NCALD: variants seen among roughly 807,000 people sequenced by gnomAD.
NCALD encodes neurocalcin delta, also known as neurocalcin-delta.
In NCALD, 10 loss-of-function variants were observed where a neutral mutation model predicts 18.6. That is an observed-to-expected ratio of 0.54 (90% CI 0.33 to 0.91). The LOEUF is 0.91. Ranked by LOEUF, NCALD falls within the 40% of genes least tolerant of loss-of-function variation. NCALD has a pLI of 0.03. For synonymous variants in NCALD, 88 were observed against 87.4 expected (o/e 1.01, Z -0.04); for missense variants, 184 against 247.6 (o/e 0.74, Z 1.72).
chr8:101,822,754 G>C (rs1296674959), intron 4 of NCALD, among the ~76,000 whole-genome samples: 1 of 152,176 alleles, frequency 6.6e-6, no homozygotes, highest in Non-Finnish European at 1.5e-5. Context: ...AACTCCAACA[G>C]TTCCAGTGAG....
At chr8:101,789,802 T>A (rs543542917) in intron 1 of NCALD, among the ~76,000 whole-genome samples, 108 of 152,194 alleles carry the variant, frequency 7.1e-4, no homozygotes, top group Non-Finnish European at 1.2e-3. Context: ...AGGTATTCTT[T>A]AAATTAGAAG....
intron 1 of NCALD, among the ~76,000 whole-genome samples, chr8:101,770,520 C>T (rs1411242382): frequency 6.6e-6 from 1 of 152,148 alleles, no homozygotes; most frequent in African/African-American, 2.4e-5. Flanking sequence ...ACTATGCAAA[C>T]TCCTGGGGGG....
intron 2 of NCALD, among the ~76,000 whole-genome samples, chr8:102,017,602 G>A (rs1023902425): frequency 2.6e-4 from 40 of 152,146 alleles, no homozygotes; most frequent in Non-Finnish European, 5.6e-4. Context: ...GGCTGACGCA[G>A]GAGAATTGCT....
chr8:101,917,529 G>A (rs1263402125), intron 2 of NCALD, among the ~76,000 whole-genome samples: 1 of 151,812 alleles, frequency 6.6e-6, no homozygotes, highest in Middle Eastern at 3.2e-3. Flanking sequence ...ATACGAAGAA[G>A]CAACAAAACT....
intron 1 of NCALD, chr8:101,721,114 A>G (rs1024539941): frequency 1.3e-5 from 2 of 152,168 alleles, no homozygotes; most frequent in Admixed American, 6.5e-5. Flanking sequence ...GGTCAAGATA[A>G]ACCCCATCTC....
chr8:101,834,632 A>G (rs534189214), intron 4 of NCALD, among the ~76,000 whole-genome samples: 5 of 152,350 alleles, frequency 3.3e-5, no homozygotes, highest in African/African-American at 1.2e-4. Context: ...GCCAGGTAGC[A>G]CATGTAGAAG....
chr8:101,991,312 C>T (rs1821039152), intron 2 of NCALD, among the ~76,000 whole-genome samples: 1 of 152,114 alleles, frequency 6.6e-6, no homozygotes, highest in Non-Finnish European at 1.5e-5. Context: ...GCCACCAATG[C>T]TACCTGTTCC....
rs190416019 is a variant in NCALD at position 101,749,403 on chromosome 8, C to T, written c.-19-29755G>A. On this transcript the variant is annotated intron_variant, in intron 1 of 3. Transcript: ENST00000220931. ...ATAGGATTTAAAAAAGGGCTGACTG[C>T]GGCAAGAGTTCTGGGGGCCTCTGGA... Among the ~76,000 whole-genome samples the T allele has an allele frequency of 2.4e-3, 358 of 152,190 alleles. 1 individual carries two copies. The highest frequency in any genetic ancestry group is 3.9e-3 in the Non-Finnish European group (265 of 68,006).
At chr8:101,919,475 G>A (rs1344016517) in intron 2 of NCALD, among the ~76,000 whole-genome samples, 1 of 152,096 alleles carries the variant, frequency 6.6e-6, no homozygotes, top group Non-Finnish European at 1.5e-5. Context: ...CCTTGGAAAT[G>A]AATTTATGAC....
chr8:101,764,130 A>G (rs1811246298), intron 1 of NCALD, among the ~76,000 whole-genome samples: 4 of 152,092 alleles, frequency 2.6e-5, no homozygotes, highest in Admixed American at 2.6e-4. Context: ...ATTGGGACTG[A>G]GTTGAAAACT....
At chr8:101,933,122 A>G (rs886831620) in intron 2 of NCALD, among the ~76,000 whole-genome samples, 4 of 152,182 alleles carry the variant, frequency 2.6e-5, no homozygotes, top group African/African-American at 9.7e-5. Context: ...GGTCTACCCT[A>G]ACCTAGGATC....
At chr8:101,848,389 T>A (rs2131320168) in intron 4 of NCALD, among the ~76,000 whole-genome samples, 1 of 152,266 alleles carries the variant, frequency 6.6e-6, no homozygotes, top group East Asian at 1.9e-4. Context: ...AAAAGTTTTG[T>A]CTGGAGATTT....
Position 101,687,624 on chromosome 8 carries a change from GTCTC to G in NCALD, c.*1681_*1684del, listed in dbSNP as rs1814526069. ...GTCACATTTTTCTCCTGGTCATGAT[GTCTC>G]TCTTTCTGTGGTTCCTCTTCTTTGG... On this transcript the variant is annotated 3_prime_UTR_variant, in exon 4 of 4. Coordinates refer to ENST00000220931, the MANE Select transcript of NCALD (RefSeq NM_032041.3). 1 of 152,222 alleles carries G rather than the reference GTCTC, an allele frequency of 6.6e-6. No homozygotes were observed. Among genetic ancestry groups the G allele is most frequent in the African/African-American group, 2.4e-5 (1 of 41,440 alleles). 9.4% of individuals were successfully genotyped at this position (152,222 alleles called of 1,614,324 possible). A position where few individuals can be genotyped will look rare whatever the true frequency, so the allele number is the denominator to read the frequency against.
intron 1 of NCALD, among the ~76,000 whole-genome samples, chr8:102,063,629 C>T (rs1221490207): frequency 6.6e-6 from 1 of 152,080 alleles, no homozygotes; most frequent in Non-Finnish European, 1.5e-5. Context: ...CACTACAGCC[C>T]CAAGGAATGC....
chr8:101,699,868 G>A (rs1755623879), intron 2 of NCALD, among the ~76,000 whole-genome samples: 2 of 151,986 alleles, frequency 1.3e-5, no homozygotes, highest in Admixed American at 6.6e-5. Flanking sequence ...CATGGCACAC[G>A]TATACAAACC....
chr8:102,109,573 A>C (rs1056354080), intron 1 of NCALD, among the ~76,000 whole-genome samples: 10 of 152,242 alleles, frequency 6.6e-5, no homozygotes, highest in African/African-American at 2.4e-4. Flanking sequence ...GCCAGTGTCA[A>C]ACTATGTCAA....
intron 1 of NCALD, among the ~76,000 whole-genome samples, chr8:101,760,329 A>G (rs1279100270): frequency 6.6e-6 from 1 of 152,200 alleles, no homozygotes; most frequent in Non-Finnish European, 1.5e-5. Context: ...GCTGGAAACC[A>G]GAGCCAGCTG....
chr8:101,817,146 C>T (rs1813529170), intron 4 of NCALD, among the ~76,000 whole-genome samples: 1 of 152,106 alleles, frequency 6.6e-6, no homozygotes, highest in Non-Finnish European at 1.5e-5. Flanking sequence ...TGGTTGAACC[C>T]AAACCGAGCC....
intron 2 of NCALD, among the ~76,000 whole-genome samples, chr8:102,004,902 C>T (rs200873357): frequency 1.3e-5 from 2 of 152,250 alleles, no homozygotes; most frequent in East Asian, 1.9e-4. Context: ...AAGATTTAAA[C>T]GTTAGACCTA....
Sources: gnomAD v4.1 joint callset for allele counts (sites outside exome capture counted in the v4.1 genomes callset) on GRCh38, gnomAD v4.1.1 for gene constraint, MANE v1.5 for transcripts, NCBI Gene and HGNC (gene_info 2026-07-23, HGNC 2026-07-21) for gene names.